The following FBLN2 variants were observed in gnomAD, a reference collection of about 807,000 sequenced individuals.
FBLN2 encodes fibulin 2, also known as fibulin-2.
FBLN2 carries 81 observed loss-of-function variants against 123.7 expected under a neutral mutation model. The ratio of observed to expected loss-of-function variants is 0.65; its 90% confidence interval spans 0.55 to 0.79. The LOEUF is 0.79. Among genes scored for constraint, FBLN2 ranks in the 30% least tolerant of loss-of-function variants. FBLN2 has a pLI of 0.00. For synonymous variants in FBLN2, 699 were observed against 701.4 expected (o/e 1.00, Z 0.05); for missense variants, 1,603 against 1,681.3 (o/e 0.95, Z 0.81).
At chr3:13,574,609 G>A (rs1252320966) in intron 2 of FBLN2, among the ~76,000 whole-genome samples, 1 of 152,140 alleles carries the variant, frequency 6.6e-6, no homozygotes, top group Non-Finnish European at 1.5e-5. Flanking sequence ...CTGGGGCACT[G>A]GCTGGAAACC....
intron 4 of FBLN2, 131 bp from the exon 5 acceptor site, chr3:13,613,853 C>A: frequency 9.7e-7 from 1 of 1,027,578 alleles, no homozygotes; most frequent in Non-Finnish European, 1.4e-6. Context: ...CCCCTCTGCC[C>A]TGGGAGAGCG....
intron 1 of FBLN2, 43 bp from the exon 2 acceptor site, chr3:13,570,272 G>A (rs78223672): frequency 0.042 from 60,790 of 1,444,428 alleles, 1,419 homozygotes; most frequent in African/African-American, 0.052. Context: ...GTGTCTGTGT[G>A]TGCACACCCA....
chr3:13,576,330 C>G (rs1343746422), intron 2 of FBLN2, among the ~76,000 whole-genome samples: 2 of 152,236 alleles, frequency 1.3e-5, no homozygotes, highest in African/African-American at 4.8e-5. Context: ...ACACAGGCCT[C>G]TCTTCCTCAC....
At chr3:13,636,288 C>T (rs1465200380) in intron 16 of FBLN2, among the ~76,000 whole-genome samples, 157 bp from the exon 17 acceptor site, 3 of 152,152 alleles carry the variant, frequency 2.0e-5, no homozygotes, top group Non-Finnish European at 2.9e-5. Flanking sequence ...TGCGGGGTGC[C>T]GAGCAGGTGA....
chr3:13,589,397 A>G lies in FBLN2; in HGVS notation c.1306+17736A>G, dbSNP rs1398685364. Among the ~76,000 whole-genome samples, 4 of 151,982 alleles carry G rather than the reference A, an allele frequency of 2.6e-5. No homozygotes were observed. In the East Asian group the frequency reaches 5.8e-4, roughly 22 times the overall value. On this transcript the variant is annotated intron_variant, in intron 2 of 17. Coordinates refer to ENST00000404922, the MANE Select transcript of FBLN2 (RefSeq NM_001004019.2). ...TGGGGTCTCACAGCCCCTCCCACCC[A>G]TGTTGTTGAAGCCCACCATCAAGCC... is the stretch of plus-strand genomic sequence containing the variant.
chr3:13,624,532 G>A (rs893330831), intron 9 of FBLN2, among the ~76,000 whole-genome samples: 2 of 152,188 alleles, frequency 1.3e-5, no homozygotes, highest in East Asian at 3.9e-4. Context: ...CCCCGGGTCT[G>A]CCTGGCCTGG....
At chr3:13,587,140 G>A (rs1484126047) in intron 2 of FBLN2, among the ~76,000 whole-genome samples, 11 of 123,912 alleles carry the variant, frequency 8.9e-5, no homozygotes, top group South Asian at 2.6e-4. Flanking sequence ...GCGAGACTCC[G>A]TCTCAAAAAA....
intron 1 of FBLN2, among the ~76,000 whole-genome samples, chr3:13,550,526 T>C (rs1246149498): frequency 4.6e-5 from 7 of 152,240 alleles, no homozygotes; most frequent in Non-Finnish European, 1.0e-4. Flanking sequence ...TCTACCCTGA[T>C]GCCCCTGAGA....
chr3:13,556,314 G>A (rs894575129), intron 1 of FBLN2, among the ~76,000 whole-genome samples: 2 of 152,060 alleles, frequency 1.3e-5, no homozygotes, highest in Non-Finnish European at 2.9e-5. Context: ...TCCTCACAAG[G>A]TGGGGGGTGG....
At chr3:13,561,930 A>C (rs1412813565) in intron 1 of FBLN2, among the ~76,000 whole-genome samples, 1 of 152,228 alleles carries the variant, frequency 6.6e-6, no homozygotes, top group African/African-American at 2.4e-5. Flanking sequence ...TCTGGGCCTC[A>C]GTTTCCTCAT....
intron 1 of FBLN2, among the ~76,000 whole-genome samples, chr3:13,549,530 C>G (rs1024996726): frequency 3.3e-5 from 5 of 151,888 alleles, no homozygotes; most frequent in Admixed American, 6.5e-5. Context: ...ACTTCTCCCC[C>G]CTGGGCCGGC....
At chr3:13,563,462 G>A (rs1009798740) in intron 1 of FBLN2, among the ~76,000 whole-genome samples, 3 of 152,212 alleles carry the variant, frequency 2.0e-5, no homozygotes, top group Non-Finnish European at 4.4e-5. Flanking sequence ...ATGCACCCGG[G>A]GTGCCCCCCA....
At chr3:13,577,238 AAAAG>A (rs1176251936) in intron 2 of FBLN2, among the ~76,000 whole-genome samples, 18 of 151,804 alleles carry the variant, frequency 1.2e-4, no homozygotes, top group African/African-American at 4.1e-4. Context: ...AAAAAAAAAA[AAAAG>A]CACAGTGAGA....
rs1159093247 is a variant in FBLN2 at position 13,586,641 on chromosome 3, G to A, written c.1306+14980G>A. Among the ~76,000 whole-genome samples, 4 of 151,102 alleles carry A rather than the reference G, an allele frequency of 2.6e-5. No individual in the cohort carries two copies. The East Asian group carries it at 5.9e-4, about 22-fold the overall frequency. On this transcript the variant is annotated intron_variant, in intron 2 of 17. Coordinates refer to ENST00000404922, the MANE Select transcript of FBLN2 (RefSeq NM_001004019.2). ...GCCTCCTGAGTAGCTGGGACTACAG[G>A]CGCATGGTGCCATGCCCAGCTAATT...
chr3:13,569,017 G>T, intron 1 of FBLN2: 1 of 985,954 alleles, frequency 1.0e-6, no homozygotes. Context: ...TGCGCTTTAG[G>T]CTGGGAGTCG....
chr3:13,583,490 G>A (rs1168185817), intron 2 of FBLN2, among the ~76,000 whole-genome samples: 1 of 152,230 alleles, frequency 6.6e-6, no homozygotes, highest in Admixed American at 6.5e-5. Flanking sequence ...CCCAGTGTGA[G>A]CAGGCATTTC....
chr3:13,617,451 C>T (rs1343304421), intron 5 of FBLN2, among the ~76,000 whole-genome samples: 1 of 151,670 alleles, frequency 6.6e-6, no homozygotes, highest in Non-Finnish European at 1.5e-5. Context: ...TCCATCCACC[C>T]ACCCATCCAT....
At chr3:13,573,056 G>A (rs1704014894) in intron 2 of FBLN2, among the ~76,000 whole-genome samples, 5 of 152,162 alleles carry the variant, frequency 3.3e-5, no homozygotes, top group Admixed American at 2.6e-4. Context: ...TAGGGAATCT[G>A]GGGGCCTCAC....
intron 2 of FBLN2, among the ~76,000 whole-genome samples, chr3:13,586,482 G>A (rs964587519): frequency 1.1e-4 from 16 of 145,796 alleles, no homozygotes; most frequent in African/African-American, 3.3e-4. Flanking sequence ...CACGCCTGGC[G>A]TATGTCTTAG....
Sources: allele counts gnomAD v4.1 joint callset (sites outside exome capture counted in the v4.1 genomes callset), GRCh38; gene constraint gnomAD v4.1.1; transcripts MANE v1.5; gene names NCBI Gene and HGNC (gene_info 2026-07-23, HGNC 2026-07-21).